SERPINB6: variants seen among roughly 807,000 people sequenced by gnomAD.
SERPINB6 encodes serpin family B member 6, also known as serpin B6.
A neutral mutation model predicts 26.1 loss-of-function variants in SERPINB6; 16 were observed. That is an observed-to-expected ratio of 0.61 (90% CI 0.42 to 0.93). SERPINB6 has a LOEUF of 0.93. Ranked by LOEUF, SERPINB6 falls within the 40% of genes least tolerant of loss-of-function variation. The pLI is 0.00. For synonymous variants in SERPINB6, 174 were observed against 176.6 expected, an observed-to-expected ratio of 0.99 and a Z score of 0.11; for missense variants, 420 against 478.0, an observed-to-expected ratio of 0.88 and a Z score of 1.13.
At chr6:2,970,059 A>C in intron 1 of SERPINB6, 1 of 381,788 alleles carries the variant, frequency 2.6e-6, no homozygotes, top group Non-Finnish European at 3.5e-6. Flanking sequence ...CAGCCTGGCA[A>C]AAAAAAAAAA....
chr6:2,967,695 G>A lies in SERPINB6; in HGVS notation c.-11+3838C>T, dbSNP rs1461602444. 1 of 152,144 alleles carries A rather than the reference G, an allele frequency of 6.6e-6. No homozygotes were observed. Among genetic ancestry groups the A allele is most frequent in the Admixed American group, 6.6e-5 (1 of 15,260 alleles). The allele number at this position is 152,144 out of a possible 1,614,324, so 9.4% of individuals were successfully genotyped here. On this transcript the variant is annotated intron_variant, in intron 1 of 6. Transcript: ENST00000380539. The surrounding 1 kb of genome is among the most constrained non-coding windows in gnomAD (Gnocchi z 4.3). Reference sequence around the variant, plus strand: ...GCAGCCAACAGCCATAAGAAAAAAGGCTCAGTATCACTGATCATTAGAGAA... The same window carrying A: ...GCAGCCAACAGCCATAAGAAAAAAGACTCAGTATCACTGATCATTAGAGAA...
intron 2 of SERPINB6, chr6:2,956,065 A>C: frequency 3.2e-5 from 6 of 185,150 alleles, no homozygotes; most frequent in South Asian, 1.1e-4. Context: ...ACAGAGTGAG[A>C]CTCCGTCTCA....
At chr6:2,971,253 C>A (rs555082290) in intron 1 of SERPINB6, 9,601 of 893,318 alleles carry the variant, frequency 0.011, 92 homozygotes, top group South Asian at 0.057. Flanking sequence ...CTCACCCGGC[C>A]GCGTCGCCGT....
At chr6:2,958,602 C>T (rs74814326) in intron 2 of SERPINB6, among the ~76,000 whole-genome samples, 1,744 of 152,264 alleles carry the variant, frequency 0.011, 14 homozygotes, top group South Asian at 0.016. Context: ...AGACGCCCAG[C>T]GCCCCGCTGA....
At chr6:2,970,863 A>G (rs1175611124) in intron 1 of SERPINB6, 2 of 1,231,234 alleles carry the variant, frequency 1.6e-6, no homozygotes, top group African/African-American at 1.6e-5. Context: ...CGGTAAGGAG[A>G]TCCGGGCTGG....
intron 1 of SERPINB6, among the ~76,000 whole-genome samples, chr6:2,966,249 C>T (rs1022642492): frequency 6.6e-6 from 1 of 152,204 alleles, no homozygotes; most frequent in African/African-American, 2.4e-5. Flanking sequence ...CTTTTTAAGG[C>T]TCATCTTGTT....
At chr6:2,955,784 G>T in intron 2 of SERPINB6, 114 bp from the exon 3 acceptor site, 2 of 1,214,776 alleles carry the variant, frequency 1.6e-6, no homozygotes, top group Non-Finnish European at 2.4e-6. Flanking sequence ...CTGCTTAAAA[G>T]ATCTATCCGA....
At chr6:2,949,219 C>T (rs1364618034) in intron 5 of SERPINB6, 150 bp from the exon 6 acceptor site, 2 of 846,942 alleles carry the variant, frequency 2.4e-6, no homozygotes, top group Non-Finnish European at 3.8e-6. Context: ...GCTCTGCCAT[C>T]TTCATTACCT....
chr6:2,970,918 C>T, intron 1 of SERPINB6: 1 of 1,228,466 alleles, frequency 8.1e-7, no homozygotes, highest in Non-Finnish European at 1.0e-6. Context: ...GAAAGTGCTG[C>T]GGATTGGCCA....
intron 2 of SERPINB6, chr6:2,957,977 C>G (rs28360593): frequency 0.25 from 37,293 of 152,154 alleles, 4,953 homozygotes; most frequent in Non-Finnish European, 0.3. Context: ...GCCACTGCTC[C>G]GTGACGGCCA....
chr6:2,952,243 A>G (rs562086124), intron 5 of SERPINB6, among the ~76,000 whole-genome samples: 1 of 152,268 alleles, frequency 6.6e-6, no homozygotes, highest in African/African-American at 2.4e-5. Flanking sequence ...AATTGCGAGG[A>G]GAACAGACAA....
Position 2,953,154 on chromosome 6 carries a change from C to T in SERPINB6, c.463G>A (p.Val155Met). ...AGAACCAGCCTTGTCAATGGATCCA[C>T]TGAGCCCGGAGAGAGCAACTCCGCA... ...KIAELLSPGS[V>M]DPLTRLVLVN... Residue 155 changes from valine (V) to methionine (M), a missense_variant, in exon 5 of 7, where the codon GTG becomes ATG. Transcript: ENST00000380539. 3 of 1,614,224 alleles carry T rather than the reference C, an allele frequency of 1.9e-6. No individual in the cohort carries two copies. The highest frequency in any genetic ancestry group is 2.5e-6 in the Non-Finnish European group (3 of 1,180,034).
At chr6:2,965,225 T>C (rs1268526885) in intron 1 of SERPINB6, among the ~76,000 whole-genome samples, 1 of 152,214 alleles carries the variant, frequency 6.6e-6, no homozygotes, top group Non-Finnish European at 1.5e-5. Flanking sequence ...GTTCTACAGG[T>C]CAGTCAAACC....
At chr6:2,955,446 C>T in intron 3 of SERPINB6, 78 bp downstream of exon 3, 1 of 1,561,980 alleles carries the variant, frequency 6.4e-7, no homozygotes, top group Admixed American at 1.7e-5. Flanking sequence ...TTTAGAGCCA[C>T]ACGCTTCCTG....
chr6:2,960,401 A>C (rs750358858), intron 1 of SERPINB6: 3 of 87,080 alleles, frequency 3.4e-5, no homozygotes, highest in Admixed American at 1.2e-4. Flanking sequence ...GTGAGAGGAC[A>C]AGGGGCAGCT....
intron 1 of SERPINB6, chr6:2,966,483 G>C: frequency 1.2e-6 from 1 of 854,820 alleles, no homozygotes; most frequent in Non-Finnish European, 1.4e-6. Context: ...GCAGGTGAGC[G>C]AACATCACCG....
intron 1 of SERPINB6, chr6:2,968,552 AT>A: frequency 1.7e-6 from 2 of 1,187,270 alleles, no homozygotes; most frequent in Non-Finnish European, 2.1e-6. Flanking sequence ...ATTTGATTCC[AT>A]TTTGCCTTCT....
chr6:2,954,127 A>C (rs1322060970), intron 4 of SERPINB6, among the ~76,000 whole-genome samples: 1 of 152,054 alleles, frequency 6.6e-6, no homozygotes, highest in Non-Finnish European at 1.5e-5. Context: ...CAAAAAAAAA[A>C]AAAAAAAAAG....
At chr6:2,952,534 T>G (rs1445378350) in intron 5 of SERPINB6, among the ~76,000 whole-genome samples, 1 of 152,268 alleles carries the variant, frequency 6.6e-6, no homozygotes, top group Non-Finnish European at 1.5e-5. Context: ...AACAAAAATC[T>G]GTACTTATCC....
Sources: gnomAD v4.1 joint callset for allele counts (sites outside exome capture counted in the v4.1 genomes callset) on GRCh38, gnomAD v4.1.1 for gene constraint, Gnocchi (gnomAD v3.1) non-coding constraint, MANE v1.5 for transcripts, NCBI Gene and HGNC (gene_info 2026-07-23, HGNC 2026-07-21) for gene names.